Variants in NOS1AP observed in about 807,000 individuals in gnomAD.
The protein encoded by NOS1AP is carboxyl-terminal PDZ ligand of neuronal nitric oxide synthase protein.
Under a neutral mutation model 56.2 loss-of-function variants are expected in NOS1AP, and 21 were observed. That is an observed-to-expected ratio of 0.37 (90% CI 0.26 to 0.54). The LOEUF is 0.54. Ranked by LOEUF, NOS1AP falls within the 20% of genes least tolerant of loss-of-function variation. NOS1AP has a pLI of 0.84. For synonymous variants in NOS1AP, 270 were observed against 274.6 expected, an observed-to-expected ratio of 0.98 and a Z score of 0.17; for missense variants, 522 against 657.8, an observed-to-expected ratio of 0.79 and a Z score of 2.26.
At chr1:162,320,578 G>A (rs546335302) in intron 4 of NOS1AP, among the ~76,000 whole-genome samples, 4 of 152,136 alleles carry the variant, frequency 2.6e-5, no homozygotes, top group Admixed American at 6.5e-5. Context: ...AATTGGAGCC[G>A]GGAGCGGTGG....
intron 6 of NOS1AP, among the ~76,000 whole-genome samples, chr1:162,354,498 G>T (rs1317019817): frequency 6.6e-6 from 1 of 152,168 alleles, no homozygotes; most frequent in African/African-American, 2.4e-5. Context: ...CAGTGGAAAG[G>T]AAGAAATGTG....
chr1:162,195,233 A>T (rs1040156933), intron 2 of NOS1AP, among the ~76,000 whole-genome samples: 9 of 152,180 alleles, frequency 5.9e-5, no homozygotes, highest in Non-Finnish European at 1.2e-4. Context: ...GAATAATCAC[A>T]TTGATAATTA....
chr1:162,129,899 T>C (rs1048719827), intron 1 of NOS1AP, among the ~76,000 whole-genome samples: 1 of 152,232 alleles, frequency 6.6e-6, no homozygotes, highest in African/African-American at 2.4e-5. Context: ...TTTTCCCATC[T>C]AAATTGTAAG....
Position 162,193,815 on chromosome 1 carries a change from T to C in NOS1AP, c.177+39339T>C, listed in dbSNP as rs1571116234. ...CTGAGATCACTCTTTTCTCACCCCT[T>C]CCTCTCAGTATTAGGTTCTGCTGCT... On this transcript the variant is annotated intron_variant, in intron 2 of 9. Coordinates refer to ENST00000361897, the MANE Select transcript of NOS1AP (RefSeq NM_014697.3). Among the ~76,000 whole-genome samples the C allele has an allele frequency of 2.0e-5, 3 of 152,284 alleles. No individual in the cohort carries two copies. The East Asian group carries it at 5.8e-4, about 29-fold the overall frequency.
intron 4 of NOS1AP, chr1:162,317,662 T>A (rs906073682): frequency 3.3e-5 from 5 of 152,120 alleles, no homozygotes; most frequent in African/African-American, 1.2e-4. Context: ...ATGAGCCCCA[T>A]CCCTCAGGTC....
intron 2 of NOS1AP, among the ~76,000 whole-genome samples, chr1:162,201,808 C>T (rs912912753): frequency 3.3e-5 from 5 of 152,008 alleles, no homozygotes; most frequent in Admixed American, 1.3e-4. Context: ...TTTGTTTTTT[C>T]TCTTGTAAAT....
chr1:162,310,705 G>A (rs1264316301), intron 4 of NOS1AP, among the ~76,000 whole-genome samples: 1 of 152,180 alleles, frequency 6.6e-6, no homozygotes, highest in African/African-American at 2.4e-5. Context: ...GGGCTACTTA[G>A]CAATCCCTTA....
In NOS1AP at chr1:162,234,118, G is replaced by C. The variant is rs553754140; in HGVS notation, c.178-53226G>C. Among the ~76,000 whole-genome samples, 3 of 152,304 alleles carry C rather than the reference G, an allele frequency of 2.0e-5. No individual in the cohort carries two copies. In the East Asian group the frequency reaches 5.8e-4, roughly 29 times the overall value. On this transcript the variant is annotated intron_variant, in intron 2 of 9. Transcript: ENST00000361897. ...CACAGGCAGAATGTGATTGGGCCCAGGAGATGGGCAGAGTGCTGAGGAAGC... is the reference window on the plus strand; with the variant it reads ...CACAGGCAGAATGTGATTGGGCCCACGAGATGGGCAGAGTGCTGAGGAAGC...
chr1:162,137,900 G>A (rs961621159), intron 1 of NOS1AP, among the ~76,000 whole-genome samples: 4 of 152,058 alleles, frequency 2.6e-5, no homozygotes, highest in Non-Finnish European at 5.9e-5. Flanking sequence ...GCAAGCAAGC[G>A]GTGATTGGCT....
chr1:162,148,677 T>C (rs1649583474), intron 1 of NOS1AP, among the ~76,000 whole-genome samples: 1 of 152,202 alleles, frequency 6.6e-6, no homozygotes, highest in South Asian at 2.1e-4. Flanking sequence ...TTTGAGCAAA[T>C]GGAAGCAAGT....
At chr1:162,116,797 G>A (rs541900023) in intron 1 of NOS1AP, among the ~76,000 whole-genome samples, 1 of 152,250 alleles carries the variant, frequency 6.6e-6, no homozygotes, top group African/African-American at 2.4e-5. Context: ...TACTGTGCAC[G>A]TTATGAAGAG....
chr1:162,343,787 C>G (rs1363202053), intron 5 of NOS1AP, 48 bp from the exon 6 acceptor site: 3 of 1,609,568 alleles, frequency 1.9e-6, no homozygotes, highest in South Asian at 2.2e-5. Context: ...ATCCACATGC[C>G]CCTTGCGCAT....
At chr1:162,218,379 C>T (rs184072437) in intron 2 of NOS1AP, among the ~76,000 whole-genome samples, 1 of 152,306 alleles carries the variant, frequency 6.6e-6, no homozygotes, top group East Asian at 1.9e-4. Flanking sequence ...AAATCACTAT[C>T]ATAATGGCAG....
At chr1:162,294,508 A>G (rs1655388101) in intron 3 of NOS1AP, among the ~76,000 whole-genome samples, 1 of 152,178 alleles carries the variant, frequency 6.6e-6, no homozygotes. Flanking sequence ...TGTACACTCT[A>G]TGATCACACC....
At chr1:162,214,529 A>G (rs1338448254) in intron 2 of NOS1AP, among the ~76,000 whole-genome samples, 2 of 152,124 alleles carry the variant, frequency 1.3e-5, no homozygotes, top group Non-Finnish European at 2.9e-5. Flanking sequence ...TTTTCCCTTC[A>G]TAATTTTTTT....
Position 162,307,385 on chromosome 1 carries a change from C to G in NOS1AP, c.344+6679C>G, listed in dbSNP as rs577363684. Reference sequence around the variant, plus strand: ...TAATCTGACCTGAAGTCTTCAGGAGCCAGAATGGAAGTAATTCTTCAGTTA... The same window carrying G: ...TAATCTGACCTGAAGTCTTCAGGAGGCAGAATGGAAGTAATTCTTCAGTTA... On this transcript the variant is annotated intron_variant, in intron 4 of 9. Transcript: ENST00000361897. Among the ~76,000 whole-genome samples, 88 of 152,230 alleles carry G rather than the reference C, an allele frequency of 5.8e-4. 1 individual carries two copies. The highest frequency in any genetic ancestry group is 2.0e-3 in the African/African-American group (85 of 41,540).
chr1:162,354,045 A>C (rs770990977), intron 6 of NOS1AP, among the ~76,000 whole-genome samples: 8 of 152,198 alleles, frequency 5.3e-5, no homozygotes, highest in Non-Finnish European at 8.8e-5. Context: ...AACCAAGCCC[A>C]CTGTTTACTT....
intron 2 of NOS1AP, among the ~76,000 whole-genome samples, chr1:162,189,602 T>C (rs1047382367): frequency 2.6e-5 from 4 of 152,232 alleles, no homozygotes; most frequent in Non-Finnish European, 5.9e-5. Flanking sequence ...GCGAGATCTC[T>C]CTTCTCATGG....
chr1:162,232,580 T>TG (rs1338935093), intron 2 of NOS1AP, among the ~76,000 whole-genome samples: 1 of 151,922 alleles, frequency 6.6e-6, no homozygotes. Flanking sequence ...GTGTTGCAGA[T>TG]GCGGTCTGCT....
Sources: gnomAD v4.1 joint callset for allele counts (sites outside exome capture counted in the v4.1 genomes callset) on GRCh38, gnomAD v4.1.1 for gene constraint, MANE v1.5 for transcripts, NCBI Gene and HGNC (gene_info 2026-07-23, HGNC 2026-07-21) for gene names.